Variants in TBATA observed in about 807,000 individuals in gnomAD.
TBATA encodes thymus, brain and testes associated, also known as protein TBATA.
TBATA carries 47 observed loss-of-function variants against 38.7 expected under a neutral mutation model. That is an observed-to-expected ratio of 1.21 (90% CI 0.96 to 1.55). The LOEUF (loss-of-function observed/expected upper bound fraction) is 1.55. TBATA is among the 40% of genes most tolerant of loss of function. TBATA has a pLI of 0.00. For synonymous variants in TBATA, 183 were observed against 170.5 expected, an observed-to-expected ratio of 1.07 and a Z score of -0.57; for missense variants, 436 against 435.6, an observed-to-expected ratio of 1.00 and a Z score of -0.01.
Position 70,783,523 on chromosome 10 carries a change from G to T in TBATA, c.-144C>A. The T allele has an allele frequency of 1.2e-6, 1 of 846,126 alleles. No homozygotes were observed. The allele number at this position is 846,126 out of a possible 1,614,324, so 52.4% of individuals were successfully genotyped here. A position where few individuals can be genotyped will look rare whatever the true frequency, so the allele number is the denominator to read the frequency against. On this transcript the variant is annotated splice_region_variant and 5_prime_UTR_variant, in exon 3 of 11. Transcript: ENST00000456372. ...GTGGTGGAAGTGTAAACGGGAACAG[G>T]CACTTTAGGGGGAGAAATGGTAATA...
At chr10:70,775,079 G>T (rs1843213322) in intron 8 of TBATA, 110 bp downstream of exon 8, 5 of 998,680 alleles carry the variant, frequency 5.0e-6, no homozygotes, top group Admixed American at 4.0e-5. Context: ...TCCATGGAAG[G>T]CCCCCTCCAG....
At chr10:70,774,011 G>A (rs1331426567) in intron 9 of TBATA, among the ~76,000 whole-genome samples, 1 of 152,210 alleles carries the variant, frequency 6.6e-6, no homozygotes, top group Non-Finnish European at 1.5e-5. Flanking sequence ...CTGGCAGTTT[G>A]GGGGCTGGTC....
Position 70,783,326 on chromosome 10 carries a change from TTTGG to T in TBATA, c.41+9_41+12del. 1 of 1,614,156 alleles carries T rather than the reference TTTGG, an allele frequency of 6.2e-7. No individual in the cohort carries two copies. Among genetic ancestry groups the T allele is most frequent in the Non-Finnish European group, 8.5e-7 (1 of 1,179,982 alleles). ...CCCTCCTCAGTCAGCAGGGTGGGCA[TTTGG>T]AGCCTCACCTCATCAGTGGATAATC... On this transcript the variant is annotated intron_variant, in intron 3 of 10. Transcript: ENST00000456372.
intron 6 of TBATA, chr10:70,777,853 G>A (rs1167951283): frequency 2.2e-6 from 1 of 450,712 alleles, no homozygotes; most frequent in African/African-American, 2.0e-5. Context: ...AAGACTGGTA[G>A]TATCCTTCCC....
chr10:70,778,595 C>T lies in TBATA; in HGVS notation c.469G>A (p.Ala157Thr). Reference protein sequence around the residue: ...KELKELASRVAFLTKEDELKK... With the variant: ...KELKELASRVTFLTKEDELKK... ...AGTTCATCCTCCTTGGTGAGGAAGG[C>T]CACCCGGGAAGCTAGCTCCTTCAAC... Residue 157 changes from alanine to threonine, a missense_variant, in exon 6 of 11, where the codon GCC (alanine) becomes ACC (threonine). Physicochemically the swap from Ala to Thr is moderately conservative, Grantham distance 58. Coordinates refer to ENST00000456372, the MANE Select transcript of TBATA (RefSeq NM_001318241.2). 1.2e-6 allele frequency: 2 copies of T among 1,614,202 alleles called. No individual in the cohort carries two copies. Among genetic ancestry groups the T allele is most frequent in the Non-Finnish European group, 1.7e-6 (2 of 1,180,042 alleles).
chr10:70,771,906 A>AG (rs1309774107), intron 10 of TBATA, among the ~76,000 whole-genome samples: 4 of 152,004 alleles, frequency 2.6e-5, no homozygotes, highest in African/African-American at 9.7e-5. Flanking sequence ...CAGTAGCCAG[A>AG]GGGGGCATGC....
Position 70,774,292 on chromosome 10 carries a change from A to T in TBATA, c.841T>A (p.Ser281Thr), listed in dbSNP as rs143316854. The T allele has an allele frequency of 5.6e-6, 9 of 1,609,916 alleles. No individual in the cohort carries two copies. In the African/African-American group the frequency reaches 1.1e-4, roughly 19 times the overall value. Residue 281 changes from serine (S) to threonine (T), a missense_variant, in exon 9 of 11, where the codon TCC (serine) becomes ACC (threonine). Transcript: ENST00000456372. ...CTTAGGAGCTTTTCTGTAGGGATGG[A>T]GACTAGGGGCTGGGGAAGGAGCTGA... is the stretch of plus-strand genomic sequence containing the variant. ...VAQLLPQPLV[S>T]IPTEKLLSQL...
rs766726077 is a variant in TBATA at position 70,777,246 on chromosome 10, G to A, written c.600C>T (p.Val200=). ...GRLIPASTRA[V]GRRRSHQGQQ... is the part of the protein sequence containing the mutation. ...GGCCCTGGTGAGATCTGCGGCGGCC[G>A]ACAGCCCGGGTGGAAGCGGGGATGA... Residue 200 remains valine, a synonymous_variant, in exon 7 of 11, where the codon GTC becomes GTT. Coordinates refer to ENST00000456372, the MANE Select transcript of TBATA (RefSeq NM_001318241.2). The A allele has an allele frequency of 1.2e-5, 20 of 1,613,464 alleles. No homozygotes were observed. The highest frequency in any genetic ancestry group is 2.7e-5 in the African/African-American group (2 of 74,898).
intron 5 of TBATA, among the ~76,000 whole-genome samples, chr10:70,779,244 G>A (rs921585430): frequency 6.6e-6 from 1 of 152,230 alleles, no homozygotes; most frequent in Admixed American, 6.5e-5. Context: ...TGTTCTGGTT[G>A]GCCAATGCCT....
intron 2 of TBATA, among the ~76,000 whole-genome samples, chr10:70,784,136 G>T (rs1487875751): frequency 1.3e-5 from 2 of 152,118 alleles, no homozygotes; most frequent in Non-Finnish European, 2.9e-5. Flanking sequence ...AAGTTTAAAA[G>T]CAAGCAAAAT....
rs1206989663 is a variant in TBATA, at chr10:70,774,083, G to T, written c.920+130C>A. The T allele has an allele frequency of 2.4e-6, 3 of 1,252,062 alleles. No homozygotes were observed. In the Admixed American group the frequency reaches 7.3e-5, roughly 31 times the overall value. 77.6% of individuals were successfully genotyped at this position (1,252,062 alleles called of 1,614,324 possible). A position where few individuals can be genotyped will look rare whatever the true frequency, so the allele number is the denominator to read the frequency against. On this transcript the variant is annotated intron_variant, in intron 9 of 10. Transcript: ENST00000456372. The stretch of plus-strand genomic sequence containing the variant: ...AGAAGGTCCCTGGGGGAGGGGCTGG[G>T]CCTCTGCCTCCAGGACAGACTTAGT...
intron 3 of TBATA, 25 bp downstream of exon 3, chr10:70,783,314 G>A: frequency 6.2e-7 from 1 of 1,613,850 alleles, no homozygotes; most frequent in Non-Finnish European, 8.5e-7. Flanking sequence ...TCCTCAGTCA[G>A]CAGGGTGGGC....
chr10:70,782,147 T>C lies in TBATA; in HGVS notation c.42-111A>G, dbSNP rs539907061. The C allele has an allele frequency of 5.3e-6, 7 of 1,313,160 alleles. No homozygotes were observed. The East Asian group carries it at 1.8e-4, about 33-fold the overall frequency. The allele number at this position is 1,313,160 out of a possible 1,614,324, so 81.3% of individuals were successfully genotyped here. The stretch of plus-strand genomic sequence containing the variant: ...AACCCCTTCCTGAGGAGCTCTGAAA[T>C]CTGGTTTCCTGGGTTTCACCACCAC... On this transcript the variant is annotated intron_variant, in intron 3 of 10. Coordinates refer to ENST00000456372, the MANE Select transcript of TBATA (RefSeq NM_001318241.2).
At chr10:70,772,621 A>C in intron 9 of TBATA, 55 bp from the exon 10 acceptor site, 1 of 1,583,486 alleles carries the variant, frequency 6.3e-7, no homozygotes, top group Admixed American at 1.7e-5. Context: ...ACCTGACCCC[A>C]CGGGTGGCAG....
Position 70,777,301 on chromosome 10 carries a change from C to T in TBATA, c.545G>A (p.Gly182Glu), listed in dbSNP as rs376611245. The stretch of plus-strand genomic sequence containing the variant: ...CCCAGTCTCTGCTGAGTACTTTGCC[C>T]CCTGCTCCCGCAGAGGCTCCTCCTT... ...EQKEEPLREQ[G>E]AKYSAETGRL... The change falls in exon 7 of 11, where the codon GGG becomes GAG. Residue 182 changes from glycine (G) to glutamate (E), a missense_variant. By Grantham distance (98) the Gly-to-Glu change is moderately conservative (BLOSUM62 -2). Transcript: ENST00000456372. 6.8e-6 allele frequency: 11 copies of T among 1,613,550 alleles called. No homozygotes were observed. Among genetic ancestry groups the T allele is most frequent in the Admixed American group, 5.0e-5 (3 of 59,988 alleles).
chr10:70,778,449 C>T, intron 6 of TBATA, 108 bp downstream of exon 6: 1 of 1,082,834 alleles, frequency 9.2e-7, no homozygotes, highest in Admixed American at 1.7e-5. Flanking sequence ...ATGAATCAGT[C>T]CCCCCACCCC....
Position 70,776,142 on chromosome 10 carries a change from C to T in TBATA, c.694-872G>A, listed in dbSNP as rs542662251. Among the ~76,000 whole-genome samples, 4 of 152,266 alleles carry T rather than the reference C, an allele frequency of 2.6e-5. No individual in the cohort carries two copies. In the South Asian group the frequency reaches 6.2e-4, roughly 24 times the overall value. On this transcript the variant is annotated intron_variant, in intron 7 of 10. Transcript: ENST00000456372. Reference sequence around the variant, plus strand: ...TCCTGGCGGTCAGTCATCCTAGGACCTGGAGGGGCCCGTCGGTCCCCAGCA... The same window carrying T: ...TCCTGGCGGTCAGTCATCCTAGGACTTGGAGGGGCCCGTCGGTCCCCAGCA...
Position 70,778,599 on chromosome 10 carries a change from C to A in TBATA, c.465G>T (p.Arg155=), listed in dbSNP as rs1843725300. The part of the protein sequence containing the change: ...WKKELKELAS[R]VAFLTKEDEL... ...CATCCTCCTTGGTGAGGAAGGCCAC[C>A]CGGGAAGCTAGCTCCTTCAACTCCT... The change falls in exon 6 of 11, where the codon CGG becomes CGT. Residue 155 remains arginine (R), a synonymous_variant. Transcript: ENST00000456372. 3 of 1,614,188 alleles carry A rather than the reference C, an allele frequency of 1.9e-6. No homozygotes were observed. Among genetic ancestry groups the A allele is most frequent in the South Asian group, 1.1e-5 (1 of 91,078 alleles).
intron 10 of TBATA, 119 bp from the exon 11 acceptor site, chr10:70,771,580 C>T: frequency 1.1e-6 from 1 of 896,224 alleles, no homozygotes. Flanking sequence ...AGCTCCTGCT[C>T]TCAGCTCTGC....
Sources: gnomAD v4.1 joint callset for allele counts (sites outside exome capture counted in the v4.1 genomes callset) on GRCh38, gnomAD v4.1.1 for gene constraint, MANE v1.5 for transcripts, NCBI Gene and HGNC (gene_info 2026-07-23, HGNC 2026-07-21) for gene names.